Variants in CFAP54 observed in about 807,000 individuals in gnomAD.
CFAP54 encodes cilia and flagella associated protein 54.
Under a neutral mutation model 370.4 loss-of-function variants are expected in CFAP54, and 290 were observed. That is an observed-to-expected ratio of 0.78 (90% confidence interval 0.71 to 0.86). CFAP54 has a LOEUF of 0.86. CFAP54 is among the 40% of genes least tolerant of loss of function. The pLI, the probability that CFAP54 is intolerant of heterozygous loss-of-function variation, is 0.00. For missense variants in CFAP54, 3,399 were observed against 3,528.7 expected, an observed-to-expected ratio of 0.96 and a Z score of 0.93; for synonymous variants, 1,206 against 1,236.5, an observed-to-expected ratio of 0.98 and a Z score of 0.52.
intron 38 of CFAP54, among the ~76,000 whole-genome samples, chr12:96,661,149 C>T (rs1956990647): frequency 6.6e-6 from 1 of 151,968 alleles, no homozygotes; most frequent in African/African-American, 2.4e-5. Context: ...CTTAACCTTT[C>T]ACCCCTCTCT....
At chr12:96,862,486 C>A (rs1959901422) in intron 67 of CFAP54, among the ~76,000 whole-genome samples, 2 of 152,018 alleles carry the variant, frequency 1.3e-5, no homozygotes, top group South Asian at 4.1e-4. Context: ...TGACAAGTTC[C>A]TGACACTAGT....
intron 48 of CFAP54, among the ~76,000 whole-genome samples, chr12:96,714,780 TA>T (rs891308477): frequency 5.6e-4 from 84 of 148,986 alleles, no homozygotes; most frequent in Non-Finnish European, 7.8e-4. Context: ...AAAGAGGGTT[TA>T]AAAAAAAAAC....
intron 50 of CFAP54, among the ~76,000 whole-genome samples, chr12:96,737,448 T>G (rs567198050): frequency 6.0e-5 from 9 of 149,430 alleles, no homozygotes; most frequent in Non-Finnish European, 1.2e-4. Flanking sequence ...ATATTTTCAG[T>G]TTTTAATAGA....
chr12:96,509,577 A>C (rs1955142799), intron 4 of CFAP54, among the ~76,000 whole-genome samples: 1 of 152,164 alleles, frequency 6.6e-6, no homozygotes, highest in South Asian at 2.1e-4. Context: ...GCACTTTGAG[A>C]GGCCAAGGCA....
chr12:96,875,154 A>C lies in CFAP54; in HGVS notation c.*51A>C, dbSNP rs1368055204. The stretch of plus-strand genomic sequence containing the variant: ...CTGAGAAATAAATCAAGAGTATGAC[A>C]ACAGACTGAGGAATTTTTCAGCAAT... On this transcript the variant is annotated 3_prime_UTR_variant, in exon 68 of 68. Coordinates refer to ENST00000524981, the MANE Select transcript of CFAP54 (RefSeq NM_001306084.2). 6.6e-6 allele frequency: 1 copy of C among 152,228 alleles called. No individual in the cohort carries two copies. The highest frequency in any genetic ancestry group is 1.5e-5 in the Non-Finnish European group (1 of 68,040). 9.4% of individuals were successfully genotyped at this position (152,228 alleles called of 1,614,324 possible).
At chr12:96,804,056 A>G (rs1398994517) in intron 63 of CFAP54, among the ~76,000 whole-genome samples, 2 of 152,094 alleles carry the variant, frequency 1.3e-5, no homozygotes, top group Non-Finnish European at 2.9e-5. Context: ...AAAAAAAAGA[A>G]TTTCTGAACT....
chr12:96,860,935 C>T lies in CFAP54; in HGVS notation c.9288C>T (p.Pro3096=), dbSNP rs1448445426. 2.6e-6 allele frequency: 4 copies of T among 1,532,876 alleles called. No individual in the cohort carries two copies. The highest frequency in any genetic ancestry group is 3.5e-6 in the Non-Finnish European group (4 of 1,145,530). 95.0% of individuals were successfully genotyped at this position (1,532,876 alleles called of 1,614,324 possible). Residue 3096 remains proline (P), a synonymous_variant, in exon 67 of 68, where the codon CCC becomes CCT. Transcript: ENST00000524981. ...TCAACTGGATAGTGTCAATTATTCC[C>T]TGAATATCCTATACACGGTAACCTT... ...SLFNWIVSII[P] is the part of the protein sequence containing the mutation.
chr12:96,595,869 C>A (rs1956172661), intron 25 of CFAP54, among the ~76,000 whole-genome samples: 1 of 152,114 alleles, frequency 6.6e-6, no homozygotes, highest in Non-Finnish European at 1.5e-5. Context: ...CAGCCTCCCC[C>A]AGATATTTAA....
intron 15 of CFAP54, among the ~76,000 whole-genome samples, chr12:96,551,653 A>G (rs763379609): frequency 1.8e-4 from 27 of 152,172 alleles, no homozygotes; most frequent in Non-Finnish European, 3.7e-4. Flanking sequence ...TCACTTAGAC[A>G]AAGAGATGCA....
intron 62 of CFAP54, among the ~76,000 whole-genome samples, chr12:96,788,916 C>T (rs553639328): frequency 1.3e-5 from 2 of 152,210 alleles, no homozygotes; most frequent in South Asian, 2.1e-4. Context: ...ATGCCCAATG[C>T]TCAGCAACCC....
chr12:96,752,985 C>T (rs1024213681), intron 55 of CFAP54, among the ~76,000 whole-genome samples: 8 of 152,078 alleles, frequency 5.3e-5, no homozygotes, highest in African/African-American at 1.4e-4. Flanking sequence ...CTCAGAGTTG[C>T]GGGGATCATA....
At position 96,679,611 on chromosome 12, in the gene CFAP54, G is replaced by A. The variant is rs748976288; in HGVS notation, c.5575G>A (p.Ala1859Thr). Residue 1859 changes from alanine to threonine, a missense_variant, in exon 40 of 68, where the codon GCC (alanine) becomes ACC (threonine). Physicochemically the swap from Ala to Thr is moderately conservative, Grantham distance 58. Around this residue, in one of 3 missense-constraint regions of CFAP54, gnomAD observed 2,796 missense variants for 2,869.7 expected, o/e 0.97. Coordinates refer to ENST00000524981, the MANE Select transcript of CFAP54 (RefSeq NM_001306084.2). Reference sequence around the variant, plus strand: ...TTCTTTCCTTTCAGAATACAGCCGAGCCAAAGCGCTTGTCTGCGTGCCCGT... The same window carrying A: ...TTCTTTCCTTTCAGAATACAGCCGAACCAAAGCGCTTGTCTGCGTGCCCGT... ...KMLISSEYSR[A>T]KALVCVPVDV... The A allele has an allele frequency of 1.2e-6, 2 of 1,612,254 alleles. No individual in the cohort carries two copies. Among genetic ancestry groups the A allele is most frequent in the African/African-American group, 1.3e-5 (1 of 74,840 alleles).
chr12:96,769,604 A>C (rs1958437198), intron 60 of CFAP54, among the ~76,000 whole-genome samples: 1 of 133,064 alleles, frequency 7.5e-6, no homozygotes, highest in African/African-American at 3.0e-5. Context: ...CAGGGTGAGC[A>C]GATTAACTCT....
rs3055732 is a variant in CFAP54, at chr12:96,617,989, C to CAAAAAA, written c.3640-3596_3640-3591dup. On this transcript the variant is annotated intron_variant, in intron 26 of 67. Coordinates refer to ENST00000524981, the MANE Select transcript of CFAP54 (RefSeq NM_001306084.2). ...TGGGCAACAGAGCAAGACTTTGTCT[C>CAAAAAA]AAAAAAAAAAGGAATATATTTATCT... 2.3e-3 allele frequency among the ~76,000 whole-genome samples: 265 copies of CAAAAAA among 117,134 alleles called. 3 individuals carry two copies. Among genetic ancestry groups the CAAAAAA allele is most frequent in the African/African-American group, 7.9e-3 (240 of 30,366 alleles). The allele number at this position is 117,134 out of a possible 152,430, so 76.8% of individuals were successfully genotyped here.
chr12:96,720,695 T>A, intron 50 of CFAP54, 130 bp downstream of exon 50: 1 of 776,492 alleles, frequency 1.3e-6, no homozygotes, highest in East Asian at 3.5e-5. Flanking sequence ...CTTTTTATTA[T>A]TCAGGGAAGT....
At chr12:96,859,137 C>CA (rs1031025542) in intron 66 of CFAP54, among the ~76,000 whole-genome samples, 12 of 151,768 alleles carry the variant, frequency 7.9e-5, no homozygotes, top group Admixed American at 4.6e-4. Flanking sequence ...ACAGAGGTGA[C>CA]AAAAAAAAGC....
At chr12:96,637,333 T>A (rs773426271) in intron 32 of CFAP54, among the ~76,000 whole-genome samples, 1 of 152,218 alleles carries the variant, frequency 6.6e-6, no homozygotes, top group Non-Finnish European at 1.5e-5. Context: ...ACTTTTTGGC[T>A]ATTATAAATA....
At chr12:96,660,903 A>G (rs1956987299) in intron 38 of CFAP54, among the ~76,000 whole-genome samples, 1 of 152,182 alleles carries the variant, frequency 6.6e-6, no homozygotes, top group Non-Finnish European at 1.5e-5. Context: ...GAACTCAGAG[A>G]AACACTTGCT....
At chr12:96,789,223 C>T (rs753906611) in intron 62 of CFAP54, among the ~76,000 whole-genome samples, 1 of 152,092 alleles carries the variant, frequency 6.6e-6, no homozygotes, top group East Asian at 1.9e-4. Flanking sequence ...AGGAAGAAAG[C>T]GCAGAAATAG....
Sources: gnomAD v4.1 joint callset for allele counts (sites outside exome capture counted in the v4.1 genomes callset) on GRCh38, gnomAD v4.1.1 for gene constraint, gnomAD v4.1.1 regional missense constraint, MANE v1.5 for transcripts, NCBI Gene and HGNC (gene_info 2026-07-23, HGNC 2026-07-21) for gene names.